CHPT1: variants seen among roughly 807,000 people sequenced by gnomAD.
CHPT1 encodes cholinephosphotransferase 1.
In CHPT1, 36 loss-of-function variants were observed where a neutral mutation model predicts 47.6. The ratio of observed to expected loss-of-function variants is 0.76; its 90% CI spans 0.58 to 1.00. The LOEUF (loss-of-function observed/expected upper bound fraction) is 1.00, where lower values mean the gene tolerates loss of function less well. Ranked by LOEUF, CHPT1 falls within the 50% of genes least tolerant of loss-of-function variation. The pLI is 0.00. For synonymous variants in CHPT1, 194 were observed against 186.3 expected, an observed-to-expected ratio of 1.04 and a Z score of -0.33; for missense variants, 458 against 498.1, an observed-to-expected ratio of 0.92 and a Z score of 0.77.
intron 3 of CHPT1, among the ~76,000 whole-genome samples, chr12:101,716,157 A>G (rs1016083060): frequency 4.6e-5 from 7 of 152,146 alleles, no homozygotes; most frequent in African/African-American, 1.4e-4. Flanking sequence ...AGGGGAATGC[A>G]GACTAGAGGG....
At chr12:101,722,544 ATGT>A (rs1207859462) in intron 5 of CHPT1, among the ~76,000 whole-genome samples, 1 of 151,900 alleles carries the variant, frequency 6.6e-6, no homozygotes, top group Admixed American at 6.6e-5. Context: ...GGAGGTGGGG[ATGT>A]TGGTGTAGAA....
chr12:101,712,089 C>T (rs1251992708), intron 1 of CHPT1, among the ~76,000 whole-genome samples: 4 of 148,630 alleles, frequency 2.7e-5, no homozygotes, highest in African/African-American at 9.7e-5. Flanking sequence ...GTGGCACTCA[C>T]TGCTCACTGC....
intron 4 of CHPT1, 75 bp downstream of exon 4, chr12:101,716,887 C>T: frequency 2.3e-6 from 2 of 871,578 alleles, no homozygotes; most frequent in Non-Finnish European, 1.7e-6. Flanking sequence ...TGTTAATTTT[C>T]TTCAAAAATC....
In CHPT1 at chr12:101,714,153, A is replaced by G. The variant is rs139817057; in HGVS notation, c.337A>G (p.Ile113Val). The change falls in exon 2 of 9, where the codon ATT becomes GTT. Residue 113 changes from isoleucine (I) to valine (V), a missense_variant. Coordinates refer to ENST00000229266, the MANE Select transcript of CHPT1 (RefSeq NM_020244.3). ...TTTTATTTACCAGTCACTGGATGCT[A>G]TTGATGGGAAACAAGCCAGAAGAAC... ...GLFIYQSLDA[I>V]DGKQARRTNS... The G allele has an allele frequency of 5.6e-6, 9 of 1,612,068 alleles. No homozygotes were observed. In the East Asian group the frequency reaches 8.9e-5, roughly 16 times the overall value.
chr12:101,723,134 A>C (rs758618534), intron 5 of CHPT1, 34 bp from the exon 6 acceptor site: 1 of 1,591,228 alleles, frequency 6.3e-7, no homozygotes, highest in Admixed American at 1.7e-5. Flanking sequence ...TGCAGTGTTA[A>C]AATGTGATAC....
At chr12:101,727,773 A>G (rs1400501938) in intron 8 of CHPT1, 1 of 152,234 alleles carries the variant, frequency 6.6e-6, no homozygotes, top group African/African-American at 2.4e-5. Flanking sequence ...TACAAAGTTC[A>G]AAAATTTAGG....
chr12:101,728,865 TC>T, intron 8 of CHPT1, 35 bp from the exon 9 acceptor site: 1 of 1,607,992 alleles, frequency 6.2e-7, no homozygotes, highest in Non-Finnish European at 8.5e-7. Context: ...ACAATATGCT[TC>T]TTAGCTAACG....
chr12:101,697,903 G>A lies in CHPT1; in HGVS notation c.42G>A (p.Leu14=). The change falls in exon 1 of 9, where the codon CTG becomes CTA. Residue 14 remains leucine (L), a synonymous_variant. Coordinates refer to ENST00000229266, the MANE Select transcript of CHPT1 (RefSeq NM_020244.3). The stretch of plus-strand genomic sequence containing the variant: ...GGGCCGGGTCCGCGCCGCGCTGGCT[G>A]AGGGCGCTGAGCGAGCCGCTGAGCG... ...GAGAGSAPRW[L]RALSEPLSAA... The A allele has an allele frequency of 7.5e-7, 1 of 1,338,004 alleles. No homozygotes were observed. Among genetic ancestry groups the A allele is most frequent in the Non-Finnish European group, 9.6e-7 (1 of 1,045,436 alleles). The allele number at this position is 1,338,004 out of a possible 1,614,324, so 82.9% of individuals were successfully genotyped here.
chr12:101,716,633 A>AT, intron 3 of CHPT1, 95 bp from the exon 4 acceptor site: 3 of 695,474 alleles, frequency 4.3e-6, no homozygotes, highest in South Asian at 4.3e-5. Context: ...GCCTACAGAG[A>AT]TTTTTACATC....
At chr12:101,700,672 A>C (rs1951542264) in intron 1 of CHPT1, among the ~76,000 whole-genome samples, 1 of 152,100 alleles carries the variant, frequency 6.6e-6, no homozygotes, top group Non-Finnish European at 1.5e-5. Context: ...ACATAATACA[A>C]ATATGTAAAG....
chr12:101,714,608 T>A lies in CHPT1; in HGVS notation c.526T>A (p.Trp176Arg). Residue 176 changes from tryptophan to arginine, a missense_variant, in exon 3 of 9, where the codon TGG (tryptophan) becomes AGG (arginine). Trp to Arg is a moderately radical substitution (Grantham distance 101, BLOSUM62 -3). Coordinates refer to ENST00000229266, the MANE Select transcript of CHPT1 (RefSeq NM_020244.3). The part of the protein sequence containing the change: ...IGMFVFYCAH[W>R]QTYVSGMLRF... ...GATGTTTGTGTTTTATTGCGCTCAT[T>A]GGCAGACTTATGTTTCAGGCATGTT... is the stretch of plus-strand genomic sequence containing the variant. The A allele has an allele frequency of 1.2e-6, 2 of 1,611,284 alleles. No individual in the cohort carries two copies. The highest frequency in any genetic ancestry group is 2.2e-5 in the South Asian group (2 of 90,586).
chr12:101,716,323 G>A (rs2137018059), intron 3 of CHPT1, among the ~76,000 whole-genome samples: 1 of 152,264 alleles, frequency 6.6e-6, no homozygotes, highest in South Asian at 2.1e-4. Context: ...ATTGACCTGG[G>A]AGTATTTAAA....
At chr12:101,716,901 G>A in intron 4 of CHPT1, 89 bp downstream of exon 4, 2 of 759,696 alleles carry the variant, frequency 2.6e-6, no homozygotes, top group African/African-American at 2.2e-5. Flanking sequence ...AAAAATCCTT[G>A]GCATTGTATT....
At chr12:101,722,540 G>A (rs1434087234) in intron 5 of CHPT1, among the ~76,000 whole-genome samples, 2 of 151,680 alleles carry the variant, frequency 1.3e-5, no homozygotes, top group Non-Finnish European at 2.9e-5. Context: ...GAAAGGAGGT[G>A]GGGATGTTGG....
intron 7 of CHPT1, among the ~76,000 whole-genome samples, chr12:101,725,722 T>G (rs1467215904): frequency 6.6e-6 from 1 of 152,102 alleles, no homozygotes; most frequent in Non-Finnish European, 1.5e-5. Flanking sequence ...GAGAATTCCC[T>G]CTCCAAGGGC....
intron 8 of CHPT1, chr12:101,726,767 G>A (rs1009787200): frequency 7.2e-6 from 2 of 278,012 alleles, no homozygotes; most frequent in Non-Finnish European, 1.3e-5. Flanking sequence ...TAAATATTCA[G>A]AACATAAAGG....
At chr12:101,708,641 T>C (rs1951663629) in intron 1 of CHPT1, among the ~76,000 whole-genome samples, 8 of 150,166 alleles carry the variant, frequency 5.3e-5, no homozygotes, top group Middle Eastern at 3.7e-3. Context: ...AGGGTCTCAC[T>C]CTGTTGCCCC....
chr12:101,711,737 G>A (rs1165505258), intron 1 of CHPT1, among the ~76,000 whole-genome samples: 1 of 148,642 alleles, frequency 6.7e-6, no homozygotes, highest in Non-Finnish European at 1.5e-5. Context: ...CTTCAGTTTA[G>A]TACCGTTTCC....
At chr12:101,700,346 AG>A (rs1951537047) in intron 1 of CHPT1, among the ~76,000 whole-genome samples, 1 of 147,260 alleles carries the variant, frequency 6.8e-6, no homozygotes, top group South Asian at 2.1e-4. Context: ...AAAAGGGTGG[AG>A]GGTGGGGATT....
Sources: allele counts gnomAD v4.1 joint callset (sites outside exome capture counted in the v4.1 genomes callset), GRCh38; gene constraint gnomAD v4.1.1; transcripts MANE v1.5; gene names NCBI Gene and HGNC (gene_info 2026-07-23, HGNC 2026-07-21).